The following EVL variants were observed in gnomAD, a reference collection of about 807,000 sequenced individuals.
EVL encodes ena/VASP-like protein.
A neutral mutation model predicts 59.6 loss-of-function variants in EVL; 21 were observed. The ratio of observed to expected loss-of-function variants is 0.35; its 90% CI spans 0.25 to 0.51. The LOEUF is 0.51. Among genes scored for constraint, EVL ranks in the 20% least tolerant of loss-of-function variants. The pLI, the probability that EVL is intolerant of heterozygous loss-of-function variation, is 0.97. For missense variants in EVL, 462 were observed against 546.6 expected (o/e 0.85, Z 1.54); for synonymous variants, 198 against 203.5 (o/e 0.97, Z 0.23).
chr14:99,975,655 C>T (rs1183314077), intron 1 of EVL, among the ~76,000 whole-genome samples: 1 of 152,140 alleles, frequency 6.6e-6, no homozygotes, highest in East Asian at 1.9e-4. Context: ...GTGCACAGTT[C>T]ACAATAGGGT....
chr14:100,086,419 C>T (rs1422501627), intron 2 of EVL, among the ~76,000 whole-genome samples: 1 of 152,230 alleles, frequency 6.6e-6, no homozygotes, highest in African/African-American at 2.4e-5. Context: ...ATGTCTTTGA[C>T]ACAAGGTCCA....
At chr14:99,979,271 A>C (rs1483498847) in intron 1 of EVL, among the ~76,000 whole-genome samples, 1 of 152,030 alleles carries the variant, frequency 6.6e-6, no homozygotes, top group Non-Finnish European at 1.5e-5. Flanking sequence ...CCACATATAC[A>C]CAATATGCAA....
intron 1 of EVL, among the ~76,000 whole-genome samples, chr14:99,985,138 A>T (rs777568681): frequency 6.6e-6 from 1 of 151,704 alleles, no homozygotes; most frequent in East Asian, 1.9e-4. Context: ...TGACAGATAT[A>T]TATATATTGA....
At chr14:100,141,682 G>T (rs546246711) in intron 12 of EVL, 54 bp from the exon 13 acceptor site, 2 of 1,587,680 alleles carry the variant, frequency 1.3e-6, no homozygotes, top group African/African-American at 2.7e-5. Flanking sequence ...AGCCCAGGCC[G>T]GCTTTTCCGT....
exon 1 of EVL, chr14:99,971,498 A>G (rs556429902): frequency 6.6e-6 from 1 of 151,314 alleles, no homozygotes; most frequent in South Asian, 2.1e-4. Context: ...GCGCGCGCTC[A>G]TTCACCTCAG....
At chr14:100,116,783 CGA>C (rs1394628627) in intron 3 of EVL, among the ~76,000 whole-genome samples, 1 of 152,192 alleles carries the variant, frequency 6.6e-6, no homozygotes, top group Non-Finnish European at 1.5e-5. Context: ...CCCACAATCC[CGA>C]GATAGCCACT....
intron 3 of EVL, among the ~76,000 whole-genome samples, chr14:100,105,451 G>C (rs1886502959): frequency 6.6e-6 from 1 of 151,858 alleles, no homozygotes; most frequent in Non-Finnish European, 1.5e-5. Context: ...ACATTTTCGA[G>C]CCTCAGTATC....
At chr14:99,988,641 A>G (rs1486450030) in intron 1 of EVL, among the ~76,000 whole-genome samples, 1 of 152,268 alleles carries the variant, frequency 6.6e-6, no homozygotes, top group Non-Finnish European at 1.5e-5. Flanking sequence ...ACAAATGATC[A>G]TAGCATTATT....
chr14:100,019,619 C>T lies in EVL; in HGVS notation c.5+47562C>T, dbSNP rs569937267. The T allele has an allele frequency of 2.3e-5, 35 of 1,513,474 alleles. 1 individual carries two copies. In the South Asian group the frequency reaches 4.2e-4, roughly 18 times the overall value. 93.8% of individuals were successfully genotyped at this position (1,513,474 alleles called of 1,614,324 possible). The stretch of plus-strand genomic sequence containing the variant: ...CTAACTAAATGGTTGTCCTCCATAC[C>T]AAAAAGACTACCACACAATCTAAGG... On this transcript the variant is annotated intron_variant, in intron 1 of 13. Transcript: ENST00000402714.
chr14:100,042,071 T>C (rs1009871592), intron 1 of EVL, among the ~76,000 whole-genome samples: 3 of 152,238 alleles, frequency 2.0e-5, no homozygotes, highest in Admixed American at 6.5e-5. Flanking sequence ...AAAAAATATA[T>C]GTGTTTAAAC....
chr14:100,053,160 A>G (rs2061673009), intron 1 of EVL, among the ~76,000 whole-genome samples: 1 of 152,232 alleles, frequency 6.6e-6, no homozygotes, highest in African/African-American at 2.4e-5. Context: ...GGGCTTCAAC[A>G]TATGAATTTT....
rs190972807 is a variant in EVL, at chr14:100,010,476, T to C, written c.5+38419T>C. Among the ~76,000 whole-genome samples the C allele has an allele frequency of 6.6e-4, 100 of 152,288 alleles. 1 individual carries two copies. Among genetic ancestry groups the C allele is most frequent in the Admixed American group, 1.5e-3 (23 of 15,304 alleles). ...GCAACAAGATCGTGCAGTGGCACCATCTCACTTCACTGCAGCCTCCACAAT... is the reference window on the plus strand; with the variant it reads ...GCAACAAGATCGTGCAGTGGCACCACCTCACTTCACTGCAGCCTCCACAAT... On this transcript the variant is annotated intron_variant, in intron 1 of 13. Transcript: ENST00000402714.
intron 1 of EVL, among the ~76,000 whole-genome samples, chr14:100,073,685 G>C (rs1351631886): frequency 1.3e-5 from 2 of 152,142 alleles, no homozygotes; most frequent in East Asian, 3.8e-4. Context: ...CAGATCTCAA[G>C]TAAGTCATGC....
intron 1 of EVL, among the ~76,000 whole-genome samples, chr14:100,021,831 G>A (rs2061130199): frequency 6.6e-6 from 1 of 152,158 alleles, no homozygotes; most frequent in Admixed American, 6.5e-5. Context: ...GTGGAGGTAC[G>A]GGTAAGAAAA....
At chr14:100,102,103 G>T (rs1198763699) in intron 3 of EVL, among the ~76,000 whole-genome samples, 1 of 152,198 alleles carries the variant, frequency 6.6e-6, no homozygotes, top group Non-Finnish European at 1.5e-5. Flanking sequence ...CTCCCAAAGT[G>T]CTGGGATTAA....
chr14:100,099,078 C>T (rs1054344580), intron 3 of EVL, among the ~76,000 whole-genome samples: 3 of 148,474 alleles, frequency 2.0e-5, no homozygotes, highest in Non-Finnish European at 4.4e-5. Context: ...CGTGGTGGCT[C>T]AGGCCTATAA....
chr14:100,110,472 G>C (rs1566703966), intron 3 of EVL, among the ~76,000 whole-genome samples: 1 of 152,170 alleles, frequency 6.6e-6, no homozygotes, highest in East Asian at 1.9e-4. Flanking sequence ...CTTGGATCCT[G>C]ATGGTCAGAG....
intron 1 of EVL, among the ~76,000 whole-genome samples, chr14:100,007,318 T>C (rs921270119): frequency 6.6e-6 from 1 of 152,090 alleles, no homozygotes; most frequent in Admixed American, 6.5e-5. Context: ...AATTTCTGCT[T>C]AGGTTTTCCA....
chr14:100,123,694 C>T, intron 4 of EVL, 92 bp downstream of exon 4: 1 of 1,345,006 alleles, frequency 7.4e-7, no homozygotes, highest in Non-Finnish European at 1.1e-6. Flanking sequence ...GCACCAGCAG[C>T]CAAGGCCAGG....
Sources: gnomAD v4.1 joint callset for allele counts (sites outside exome capture counted in the v4.1 genomes callset) on GRCh38, gnomAD v4.1.1 for gene constraint, MANE v1.5 for transcripts, NCBI Gene and HGNC (gene_info 2026-07-23, HGNC 2026-07-21) for gene names.